Variants in LCP2 observed in about 807,000 individuals in gnomAD.
LCP2 encodes lymphocyte cytosolic protein 2.
Under a neutral mutation model 74.5 loss-of-function variants are expected in LCP2, and 29 were observed. The ratio of observed to expected loss-of-function variants is 0.39; its 90% CI spans 0.29 to 0.53. LCP2 has a LOEUF of 0.53. Ranked by LOEUF, LCP2 falls within the 20% of genes least tolerant of loss-of-function variation. The pLI is 0.72. For synonymous variants in LCP2, 228 were observed against 229.5 expected (o/e 0.99, Z 0.06); for missense variants, 604 against 634.6 (o/e 0.95, Z 0.52).
Position 170,268,377 on chromosome 5 carries a change from A to T in LCP2, c.621+8T>A. 1.7e-6 allele frequency: 1 copy of T among 580,654 alleles called. No individual in the cohort carries two copies. The highest frequency in any genetic ancestry group is 2.3e-6 in the Non-Finnish European group (1 of 436,688). 36.0% of individuals were successfully genotyped at this position (580,654 alleles called of 1,614,324 possible). ...CCAAGTACTGTAAAAGAACGGGAGG[A>T]GGCCTACCGAGTGATTCCGGCCGGC... On this transcript the variant is annotated splice_region_variant and intron_variant, in intron 8 of 20. Transcript: ENST00000046794.
In LCP2 at chr5:170,268,382, T is replaced by A; in HGVS notation, c.621+3A>T. 2 of 653,792 alleles carry A rather than the reference T, an allele frequency of 3.1e-6. No homozygotes were observed. Among genetic ancestry groups the A allele is most frequent in the Non-Finnish European group, 4.0e-6 (2 of 497,794 alleles). 40.5% of individuals were successfully genotyped at this position (653,792 alleles called of 1,614,324 possible). A position where few individuals can be genotyped will look rare whatever the true frequency, so the allele number is the denominator to read the frequency against. Reference sequence around the variant, plus strand: ...TACTGTAAAAGAACGGGAGGAGGCCTACCGAGTGATTCCGGCCGGCTGGTG... The same window carrying A: ...TACTGTAAAAGAACGGGAGGAGGCCAACCGAGTGATTCCGGCCGGCTGGTG... On this transcript the variant is annotated splice_donor_region_variant and intron_variant, in intron 8 of 20. Coordinates refer to ENST00000046794, the MANE Select transcript of LCP2 (RefSeq NM_005565.5).
At chr5:170,291,776 A>G (rs1762300090) in intron 2 of LCP2, among the ~76,000 whole-genome samples, 2 of 152,200 alleles carry the variant, frequency 1.3e-5, no homozygotes, top group African/African-American at 2.4e-5. Context: ...CGTAGGCACC[A>G]TCCTCAAAGA....
At chr5:170,268,871 G>GCA (rs1300579973) in intron 7 of LCP2, among the ~76,000 whole-genome samples, 1 of 47,142 alleles carries the variant, frequency 2.1e-5, no homozygotes, top group Non-Finnish European at 4.5e-5. Context: ...ATACACATGT[G>GCA]CACACATGCA....
At chr5:170,274,829 T>G (rs952533190) in intron 5 of LCP2, among the ~76,000 whole-genome samples, 12 of 151,902 alleles carry the variant, frequency 7.9e-5, no homozygotes, top group African/African-American at 1.2e-4. Context: ...ACAAAAAAAG[T>G]AGCTGGGCAT....
chr5:170,253,720 T>G (rs974020581), intron 17 of LCP2, among the ~76,000 whole-genome samples: 1 of 152,208 alleles, frequency 6.6e-6, no homozygotes, highest in African/African-American at 2.4e-5. Flanking sequence ...ACCTTGAGAA[T>G]ATTGCTAGCT....
intron 3 of LCP2, 21 bp downstream of exon 3, chr5:170,287,949 T>G: frequency 1.9e-6 from 3 of 1,607,186 alleles, no homozygotes; most frequent in Non-Finnish European, 1.7e-6. Flanking sequence ...AGATCACCCA[T>G]AGAGTTGGAG....
At chr5:170,268,076 G>A (rs1304587851) in intron 8 of LCP2, among the ~76,000 whole-genome samples, 2 of 152,112 alleles carry the variant, frequency 1.3e-5, no homozygotes, top group Non-Finnish European at 2.9e-5. Flanking sequence ...TTGCAGGAGA[G>A]AGGAAGGCTC....
At chr5:170,296,511 T>C (rs1255189985) in intron 1 of LCP2, among the ~76,000 whole-genome samples, 1 of 152,218 alleles carries the variant, frequency 6.6e-6, no homozygotes, top group African/African-American at 2.4e-5. Flanking sequence ...CTGAATTAGA[T>C]GACTTCTACC....
chr5:170,257,956 C>T, intron 16 of LCP2, 81 bp downstream of exon 16: 3 of 1,480,722 alleles, frequency 2.0e-6, no homozygotes, highest in Non-Finnish European at 2.8e-6. Context: ...TTCCTTCTTT[C>T]TCAATCTGCC....
intron 2 of LCP2, among the ~76,000 whole-genome samples, 165 bp downstream of exon 2, chr5:170,293,145 T>C (rs992019291): frequency 2.9e-4 from 44 of 152,200 alleles, no homozygotes; most frequent in Non-Finnish European, 1.2e-4. Context: ...TTCTGGATGA[T>C]AGGATCCTGA....
At chr5:170,287,277 A>G (rs1453446425) in intron 3 of LCP2, among the ~76,000 whole-genome samples, 1 of 152,238 alleles carries the variant, frequency 6.6e-6, no homozygotes, top group Non-Finnish European at 1.5e-5. Context: ...GTTTTGTCCA[A>G]TGATGATAAA....
At chr5:170,297,490 A>G (rs1267351893) in intron 1 of LCP2, 44 bp downstream of exon 1, 11 of 1,547,374 alleles carry the variant, frequency 7.1e-6, no homozygotes, top group Non-Finnish European at 8.9e-6. Flanking sequence ...TCAGCCCACC[A>G]AGGGCACTAG....
chr5:170,297,726 C>T lies in LCP2; in HGVS notation c.-115G>A. On this transcript the variant is annotated 5_prime_UTR_variant, in exon 1 of 21. Coordinates refer to ENST00000046794, the MANE Select transcript of LCP2 (RefSeq NM_005565.5). ...TTGGCTCTTCCAACTCCCAGCTACC[C>T]TGTGGAACACCCCTGTTGGAGCCGA... is the stretch of plus-strand genomic sequence containing the variant. 2.6e-6 allele frequency: 2 copies of T among 774,582 alleles called. No individual in the cohort carries two copies. Among genetic ancestry groups the T allele is most frequent in the Non-Finnish European group, 4.1e-6 (2 of 483,800 alleles). The allele number at this position is 774,582 out of a possible 1,614,324, so 48.0% of individuals were successfully genotyped here.
chr5:170,295,849 G>C (rs1251937055), intron 1 of LCP2, among the ~76,000 whole-genome samples: 1 of 152,074 alleles, frequency 6.6e-6, no homozygotes, highest in Non-Finnish European at 1.5e-5. Context: ...AACCTGCCTG[G>C]GTGCTGTAGA....
rs1300929237 is a variant in LCP2, at chr5:170,274,357, C to A, written c.287-19G>T. ...TGGCTTTCTGTGGAAGGAGATGACA[C>A]CACCATCAGCACTGAAGAAAAGCCA... On this transcript the variant is annotated intron_variant, in intron 5 of 20. Coordinates refer to ENST00000046794, the MANE Select transcript of LCP2 (RefSeq NM_005565.5). The A allele has an allele frequency of 1.2e-6, 2 of 1,611,684 alleles. No individual in the cohort carries two copies. Among genetic ancestry groups the A allele is most frequent in the Admixed American group, 1.7e-5 (1 of 59,718 alleles).
Position 170,270,720 on chromosome 5 carries a change from G to A in LCP2, c.522C>T (p.Ile174=), listed in dbSNP as rs367557459. 3.3e-5 allele frequency: 52 copies of A among 1,572,740 alleles called. 1 individual carries two copies. In the East Asian group the frequency reaches 8.1e-4, roughly 25 times the overall value. ...KPFPNSNSMY[I]DRPPSGKTPQ... ...GAAAATCCGGAAACGGGCCCTTACC[G>A]ATGTACATGGAGTTGGAGTTGGGGA... The change falls in exon 7 of 21, where the codon ATC becomes ATT. Residue 174 remains isoleucine (I), a splice_region_variant and synonymous_variant. Transcript: ENST00000046794.
At chr5:170,281,080 T>C (rs759083101) in intron 3 of LCP2, among the ~76,000 whole-genome samples, 1 of 152,086 alleles carries the variant, frequency 6.6e-6, no homozygotes, top group African/African-American at 2.4e-5. Flanking sequence ...CCAGCATTTA[T>C]GGGGAGAGGA....
chr5:170,252,145 T>A (rs1015739282), intron 19 of LCP2: 1 of 242,212 alleles, frequency 4.1e-6, no homozygotes, highest in East Asian at 7.7e-5. Flanking sequence ...TCTGACACCA[T>A]GTGATTCCTA....
chr5:170,292,426 T>C (rs1176455834), intron 2 of LCP2, among the ~76,000 whole-genome samples: 1 of 151,948 alleles, frequency 6.6e-6, no homozygotes, highest in Admixed American at 6.6e-5. Flanking sequence ...ATATAAGAAA[T>C]GGATTGGTGT....
Sources: allele counts gnomAD v4.1 joint callset (sites outside exome capture counted in the v4.1 genomes callset), GRCh38; gene constraint gnomAD v4.1.1; transcripts MANE v1.5; gene names NCBI Gene and HGNC (gene_info 2026-07-23, HGNC 2026-07-21).